UBE4B: variants seen among roughly 807,000 people sequenced by gnomAD.
The protein encoded by UBE4B is ubiquitination factor E4B, also known as ubiquitin conjugation factor E4 B.
UBE4B carries 27 observed loss-of-function variants against 148.1 expected under a neutral mutation model. The ratio of observed to expected loss-of-function variants is 0.18; its 90% CI spans 0.13 to 0.25. The LOEUF is 0.25. Among genes scored for constraint, UBE4B ranks in the 10% least tolerant of loss-of-function variants. UBE4B has a pLI of 1.00. For missense variants in UBE4B, 1,170 were observed against 1,662.4 expected, an observed-to-expected ratio of 0.70 and a Z score of 5.15; for synonymous variants, 596 against 619.3, an observed-to-expected ratio of 0.96 and a Z score of 0.56.
At chr1:10,178,498 A>G in intron 25 of UBE4B, 146 bp from the exon 26 acceptor site, 2 of 685,752 alleles carry the variant, frequency 2.9e-6, no homozygotes, top group Admixed American at 3.5e-5. Context: ...AGACGGATAT[A>G]TAAAATATAT....
intron 21 of UBE4B, 44 bp downstream of exon 21, chr1:10,151,605 G>A: frequency 6.5e-7 from 1 of 1,547,350 alleles, no homozygotes; most frequent in Non-Finnish European, 8.9e-7. Context: ...GGCCAACTTA[G>A]GTAAGGTCAT....
intron 1 of UBE4B, among the ~76,000 whole-genome samples, chr1:10,044,620 T>C (rs1431783255): frequency 6.6e-6 from 1 of 152,028 alleles, no homozygotes; most frequent in Non-Finnish European, 1.5e-5. Flanking sequence ...TCTCGCTTTG[T>C]CACCCAGGCT....
chr1:10,099,643 G>A (rs1644978498), intron 3 of UBE4B, among the ~76,000 whole-genome samples: 1 of 152,140 alleles, frequency 6.6e-6, no homozygotes, highest in Non-Finnish European at 1.5e-5. Context: ...TGTAGAAGAG[G>A]AAAGAGCCAA....
intron 22 of UBE4B, among the ~76,000 whole-genome samples, chr1:10,159,284 T>G (rs867034114): frequency 1.3e-5 from 2 of 152,218 alleles, no homozygotes; most frequent in Non-Finnish European, 2.9e-5. Flanking sequence ...TGCTTAAACC[T>G]GGACATTAGT....
intron 4 of UBE4B, among the ~76,000 whole-genome samples, chr1:10,102,267 G>C (rs1402258972): frequency 2.0e-5 from 3 of 151,820 alleles, no homozygotes; most frequent in African/African-American, 7.3e-5. Context: ...AATTCCTGGA[G>C]GAAAATTGGT....
intron 2 of UBE4B, among the ~76,000 whole-genome samples, chr1:10,077,578 A>G (rs1269766549): frequency 2.0e-5 from 3 of 152,194 alleles, no homozygotes; most frequent in Non-Finnish European, 4.4e-5. Context: ...TGGAAATGCC[A>G]AGTGTTATGT....
intron 19 of UBE4B, among the ~76,000 whole-genome samples, chr1:10,147,825 T>A (rs577852461): frequency 1.3e-5 from 2 of 152,294 alleles, no homozygotes; most frequent in Admixed American, 1.3e-4. Context: ...AGGCAAACCA[T>A]TTTTGTTTTA....
rs950908669 is a variant in UBE4B, at chr1:10,132,447, G to A, written c.1990G>A (p.Val664Ile). Reference sequence around the variant, plus strand: ...GGCTGCTCTCAGTTACATGGCGGCTGTCGTCAATGCCAATATGAAGAAAGC... The same window carrying A: ...GGCTGCTCTCAGTTACATGGCGGCTATCGTCAATGCCAATATGAAGAAAGC... ...REAALSYMAA[V>I]VNANMKKAQM... Residue 664 changes from valine (V) to isoleucine (I), a missense_variant, in exon 15 of 28, where the codon GTC becomes ATC. Val to Ile is a conservative substitution (Grantham distance 29). Coordinates refer to ENST00000343090, the MANE Select transcript of UBE4B (RefSeq NM_001105562.3). 5 of 1,614,194 alleles carry A rather than the reference G, an allele frequency of 3.1e-6. No homozygotes were observed. The highest frequency in any genetic ancestry group is 3.3e-4 in the Middle Eastern group (2 of 6,062).
Position 10,121,959 on chromosome 1 carries a change from C to T in UBE4B, c.1440-3C>T. The T allele has an allele frequency of 1.9e-6, 3 of 1,607,782 alleles. No homozygotes were observed. Among genetic ancestry groups the T allele is most frequent in the Non-Finnish European group, 2.6e-6 (3 of 1,175,300 alleles). ...ACCGTCCCTAATGTTCATGGGTCCACAGGTCCTTGCAGCAGCCGTCCTTCC... is the reference window on the plus strand; with the variant it reads ...ACCGTCCCTAATGTTCATGGGTCCATAGGTCCTTGCAGCAGCCGTCCTTCC... On this transcript the variant is annotated splice_polypyrimidine_tract_variant and splice_region_variant and intron_variant, in intron 9 of 27. Transcript: ENST00000343090.
At chr1:10,095,261 G>A (rs562210411) in intron 2 of UBE4B, among the ~76,000 whole-genome samples, 200 bp from the exon 3 acceptor site, 3 of 152,258 alleles carry the variant, frequency 2.0e-5, no homozygotes, top group South Asian at 2.1e-4. Context: ...GAAGTATATT[G>A]ATAACTTATG....
At chr1:10,047,923 G>A (rs1643948285) in intron 1 of UBE4B, among the ~76,000 whole-genome samples, 1 of 152,156 alleles carries the variant, frequency 6.6e-6, no homozygotes, top group Non-Finnish European at 1.5e-5. Flanking sequence ...CCAGGCTAGA[G>A]TACAGTGCAG....
At chr1:10,079,843 G>A (rs1644647552) in intron 2 of UBE4B, among the ~76,000 whole-genome samples, 1 of 152,256 alleles carries the variant, frequency 6.6e-6, no homozygotes, top group Non-Finnish European at 1.5e-5. Flanking sequence ...TCTTTAACAT[G>A]TTGACTCAAA....
intron 17 of UBE4B, among the ~76,000 whole-genome samples, chr1:10,141,151 G>A (rs1415181867): frequency 1.3e-5 from 2 of 152,140 alleles, no homozygotes; most frequent in Non-Finnish European, 2.9e-5. Context: ...TATGTGGTTG[G>A]TAGAGTAATG....
intron 25 of UBE4B, among the ~76,000 whole-genome samples, chr1:10,175,470 T>C (rs1330709111): frequency 1.3e-5 from 2 of 149,182 alleles, no homozygotes; most frequent in Admixed American, 1.3e-4. Context: ...GCTAACACGG[T>C]GAAACCCCAT....
chr1:10,118,229 G>A (rs1426821907), intron 8 of UBE4B, among the ~76,000 whole-genome samples: 2 of 152,116 alleles, frequency 1.3e-5, no homozygotes, highest in Non-Finnish European at 2.9e-5. Flanking sequence ...CGTTAGAAAC[G>A]AACCTCGTTG....
intron 7 of UBE4B, among the ~76,000 whole-genome samples, chr1:10,115,183 T>TA (rs1183094561): frequency 6.7e-6 from 1 of 148,648 alleles, no homozygotes; most frequent in African/African-American, 2.5e-5. Context: ...TTTTTTTTTT[T>TA]AATAGCAGGC....
chr1:10,107,338 G>A, intron 7 of UBE4B: 3 of 1,289,366 alleles, frequency 2.3e-6, no homozygotes, highest in South Asian at 1.2e-5. Flanking sequence ...GGTGGTGGTG[G>A]TGGTGATGAT....
In UBE4B at chr1:10,033,676, G is replaced by A. The variant is rs376640535; in HGVS notation, c.6G>A (p.Glu2=). 3 of 1,570,974 alleles carry A rather than the reference G, an allele frequency of 1.9e-6. No homozygotes were observed. Among genetic ancestry groups the A allele is most frequent in the Admixed American group, 1.9e-5 (1 of 53,258 alleles). Residue 2 remains glutamate, a synonymous_variant, in exon 1 of 28, where the codon GAG becomes GAA. Transcript: ENST00000343090. ...TCACCATTAAGAGGAAAGCGATGGAGGAGCTGAGCGCTGATGAGGTGAGGA... is the reference window on the plus strand; with the variant it reads ...TCACCATTAAGAGGAAAGCGATGGAAGAGCTGAGCGCTGATGAGGTGAGGA... M[E]ELSADEIRRR... is the part of the protein sequence containing the mutation.
Position 10,179,577 on chromosome 1 carries a change from A to G in UBE4B, c.3847+15A>G, listed in dbSNP as rs745787031. 2.0e-5 allele frequency: 32 copies of G among 1,611,622 alleles called. No homozygotes were observed. In the Admixed American group the frequency reaches 5.0e-4, roughly 25 times the overall value. On this transcript the variant is annotated intron_variant, in intron 27 of 27. Coordinates refer to ENST00000343090, the MANE Select transcript of UBE4B (RefSeq NM_001105562.3). ...GCTGGAACCAGGTAGAGGAGGGTGC[A>G]GTTTGAGGTGCAGCGCTGGCGTCAG...
Sources: gnomAD v4.1 joint callset for allele counts (sites outside exome capture counted in the v4.1 genomes callset) on GRCh38, gnomAD v4.1.1 for gene constraint, MANE v1.5 for transcripts, NCBI Gene and HGNC (gene_info 2026-07-23, HGNC 2026-07-21) for gene names.